The following KCNA2 variants were observed in gnomAD, a reference collection of about 807,000 sequenced individuals.
KCNA2 encodes potassium channel, voltage gated shaker related subfamily A, member 2.
KCNA2 carries 11 observed loss-of-function variants against 33.4 expected under a neutral mutation model. The observed-to-expected ratio is 0.33, with a 90% CI of 0.21 to 0.55. The LOEUF is 0.55. Ranked by LOEUF, KCNA2 falls within the 20% of genes least tolerant of loss-of-function variation. The pLI is 0.93. For synonymous variants in KCNA2, 222 were observed against 231.3 expected (o/e 0.96, Z 0.37); for missense variants, 291 against 621.6 (o/e 0.47, Z 5.66).
upstream of KCNA2, chr1:110,606,704 A>G (rs903325566): frequency 6.6e-6 from 1 of 152,196 alleles, no homozygotes; most frequent in African/African-American, 2.4e-5. Flanking sequence ...TCAGTGTCCA[A>G]CCCAAAATCC....
chr1:110,598,870 C>T lies in KCNA2; in HGVS notation c.*4413G>A. 1 of 985,408 alleles carries T rather than the reference C, an allele frequency of 1.0e-6. No homozygotes were observed. The highest frequency in any genetic ancestry group is 1.2e-6 in the Non-Finnish European group (1 of 829,928). 61.0% of individuals were successfully genotyped at this position (985,408 alleles called of 1,614,324 possible). ...CTAAAAAGTTTACTCTGAAATTTGACCCACTCAGCCACTCTCTCTTCCTGA... is the reference window on the plus strand; with the variant it reads ...CTAAAAAGTTTACTCTGAAATTTGATCCACTCAGCCACTCTCTCTTCCTGA... On this transcript the variant is annotated 3_prime_UTR_variant, in exon 3 of 3. Transcript: ENST00000316361.
chr1:110,605,587 G>C lies in KCNA2; in HGVS notation c.-360C>G, dbSNP rs925543719. On this transcript the variant is annotated 5_prime_UTR_variant, in exon 2 of 3. Transcript: ENST00000316361. Reference sequence around the variant, plus strand: ...AGGATTGGGCTGGGCTGGAGGGGCGGTGAGGTGCCTGGCCAGGGGCATGCG... The same window carrying C: ...AGGATTGGGCTGGGCTGGAGGGGCGCTGAGGTGCCTGGCCAGGGGCATGCG... 1 of 152,888 alleles carries C rather than the reference G, an allele frequency of 6.5e-6. No homozygotes were observed. The highest frequency in any genetic ancestry group is 1.5e-5 in the Non-Finnish European group (1 of 68,556). 9.5% of individuals were successfully genotyped at this position (152,888 alleles called of 1,614,324 possible). A position where few individuals can be genotyped will look rare whatever the true frequency, so the allele number is the denominator to read the frequency against.
chr1:110,598,668 ACTCCCGTGGGGCCCCTTTTAAAAGG>A lies in KCNA2; in HGVS notation c.*4590_*4614del. On this transcript the variant is annotated 3_prime_UTR_variant, in exon 3 of 3. Coordinates refer to ENST00000316361, the MANE Select transcript of KCNA2 (RefSeq NM_004974.4). ...CTAGGCTAACGCAATCTAGAGGCAC[ACTCCCGTGGGGCCCCTTTTAAAAGG>A]CTAACCTCATGGTGACATGCCAACA... is the stretch of plus-strand genomic sequence containing the variant. The A allele has an allele frequency of 1.0e-6, 1 of 985,136 alleles. No homozygotes were observed. Among genetic ancestry groups the A allele is most frequent in the Non-Finnish European group, 1.2e-6 (1 of 829,900 alleles). 61.0% of individuals were successfully genotyped at this position (985,136 alleles called of 1,614,324 possible). A position where few individuals can be genotyped will look rare whatever the true frequency, so the allele number is the denominator to read the frequency against.
At chr1:110,627,950 A>G (rs1371173798) in intron 1 of KCNA2, among the ~76,000 whole-genome samples, 1 of 152,178 alleles carries the variant, frequency 6.6e-6, no homozygotes. Context: ...GAGGGTACTG[A>G]AAGTAGTGCA....
intron 1 of KCNA2, among the ~76,000 whole-genome samples, chr1:110,618,250 G>A (rs1184941976): frequency 1.3e-5 from 2 of 152,238 alleles, no homozygotes; most frequent in African/African-American, 4.8e-5. Flanking sequence ...GGGAGCCTGA[G>A]GTGGGAGGAT....
At chr1:110,615,613 T>C (rs1463555529) in intron 1 of KCNA2, among the ~76,000 whole-genome samples, 1 of 152,182 alleles carries the variant, frequency 6.6e-6, no homozygotes, top group East Asian at 1.9e-4. Flanking sequence ...GCACTACTTG[T>C]TAGTGTCAGC....
At chr1:110,617,734 G>T (rs1005149974) in intron 1 of KCNA2, among the ~76,000 whole-genome samples, 7 of 152,204 alleles carry the variant, frequency 4.6e-5, no homozygotes, top group African/African-American at 1.7e-4. Context: ...GAGAGGGAGA[G>T]AGAGTGTGGA....
At chr1:110,611,367 C>G (rs1649867581) in intron 1 of KCNA2, among the ~76,000 whole-genome samples, 1 of 152,204 alleles carries the variant, frequency 6.6e-6, no homozygotes. Context: ...TCATGGAGGC[C>G]TGGGCCTTGG....
chr1:110,631,305 C>T (rs997838021), intron 1 of KCNA2: 1 of 152,488 alleles, frequency 6.6e-6, no homozygotes, highest in African/African-American at 2.4e-5. Context: ...CTACCAGTCA[C>T]CTCCTGTTCT....
upstream of KCNA2, among the ~76,000 whole-genome samples, chr1:110,611,206 ATGT>A (rs1447272297): frequency 6.6e-6 from 1 of 152,130 alleles, no homozygotes; most frequent in Middle Eastern, 3.2e-3. Context: ...GTTGTTGCTG[ATGT>A]TGTGTTGTGC....
rs1189484028 is a variant in KCNA2 at position 110,598,318 on chromosome 1, TG to T, written c.*4964del. 4.4e-6 allele frequency: 4 copies of T among 910,664 alleles called. No homozygotes were observed. In the East Asian group the frequency reaches 4.7e-4, roughly 107 times the overall value. 56.4% of individuals were successfully genotyped at this position (910,664 alleles called of 1,614,324 possible). On this transcript the variant is annotated 3_prime_UTR_variant, in exon 3 of 3. Transcript: ENST00000316361. Reference sequence around the variant, plus strand: ...CTCTTGAGTAAACAAGTCAAAGCACTGTGCTCCCCTGCCTGACATAGGGGTA... The same window carrying T: ...CTCTTGAGTAAACAAGTCAAAGCACTTGCTCCCCTGCCTGACATAGGGGTA...
intron 1 of KCNA2, among the ~76,000 whole-genome samples, chr1:110,623,571 T>A (rs960139138): frequency 1.5e-4 from 23 of 152,202 alleles, no homozygotes; most frequent in African/African-American, 5.3e-4. Flanking sequence ...AAAAAATTAC[T>A]TTTTGTAGAG....
At chr1:110,627,185 G>T (rs1459983621) in intron 1 of KCNA2, among the ~76,000 whole-genome samples, 1 of 152,194 alleles carries the variant, frequency 6.6e-6, no homozygotes, top group Non-Finnish European at 1.5e-5. Context: ...TCCCAACTCA[G>T]CTCCTTTCTG....
At chr1:110,627,267 A>C (rs1169924701) in intron 1 of KCNA2, among the ~76,000 whole-genome samples, 1 of 152,204 alleles carries the variant, frequency 6.6e-6, no homozygotes, top group African/African-American at 2.4e-5. Flanking sequence ...GGAATAATTA[A>C]AATGTTTATT....
intron 1 of KCNA2, among the ~76,000 whole-genome samples, chr1:110,626,757 T>C (rs952261533): frequency 5.9e-5 from 9 of 152,112 alleles, no homozygotes; most frequent in African/African-American, 2.2e-4. Context: ...AGCCCTTACC[T>C]CTACACAAGC....
At chr1:110,611,706 A>G (rs1465079283) in intron 1 of KCNA2, among the ~76,000 whole-genome samples, 1 of 150,214 alleles carries the variant, frequency 6.7e-6, no homozygotes, top group Non-Finnish European at 1.5e-5. Context: ...AGCCTGGCAG[A>G]CAGAGCAAGA....
rs1162323324 is a variant in KCNA2, at chr1:110,593,617, AATG to A, written c.*9663_*9665del. On this transcript the variant is annotated 3_prime_UTR_variant, in exon 3 of 3. Transcript: ENST00000316361. ...ATTTTATTTTTTTCATATCACACAG[AATG>A]ATGTTAAAATAAATCCCCAGTAATA... 3.2e-6 allele frequency: 1 copy of A among 312,816 alleles called. No individual in the cohort carries two copies. The highest frequency in any genetic ancestry group is 5.8e-6 in the Non-Finnish European group (1 of 173,712). The allele number at this position is 312,816 out of a possible 1,614,324, so 19.4% of individuals were successfully genotyped here. A position where few individuals can be genotyped will look rare whatever the true frequency, so the allele number is the denominator to read the frequency against.
At position 110,600,659 on chromosome 1, in the gene KCNA2, C is replaced by T; in HGVS notation, c.*2624G>A. 1.0e-6 allele frequency: 1 copy of T among 985,414 alleles called. No individual in the cohort carries two copies. The highest frequency in any genetic ancestry group is 1.2e-6 in the Non-Finnish European group (1 of 829,928). 61.0% of individuals were successfully genotyped at this position (985,414 alleles called of 1,614,324 possible). On this transcript the variant is annotated 3_prime_UTR_variant, in exon 3 of 3. Coordinates refer to ENST00000316361, the MANE Select transcript of KCNA2 (RefSeq NM_004974.4). The stretch of plus-strand genomic sequence containing the variant: ...GGCCAAGGACACTGTGATAAGATAT[C>T]TATCCCTGACCTAGGCCTCAGATAT...
chr1:110,622,452 C>T (rs1211212648), intron 1 of KCNA2, among the ~76,000 whole-genome samples: 2 of 152,058 alleles, frequency 1.3e-5, no homozygotes, highest in Admixed American at 1.3e-4. Context: ...TTTCTGCTTT[C>T]ACCATTTCTA....
Sources: allele counts gnomAD v4.1 joint callset (sites outside exome capture counted in the v4.1 genomes callset), GRCh38; gene constraint gnomAD v4.1.1; transcripts MANE v1.5; gene names NCBI Gene and HGNC (gene_info 2026-07-23, HGNC 2026-07-21).